Variants in TRMT11 observed in about 807,000 individuals in gnomAD.
The protein encoded by TRMT11 is tRNA (guanine(10)-N(2))-methyltransferase TRMT11.
Under a neutral mutation model 62.8 loss-of-function variants are expected in TRMT11, and 53 were observed. That is an observed-to-expected ratio of 0.84 (90% CI 0.68 to 1.06). The LOEUF (loss-of-function observed/expected upper bound fraction) is 1.06, where lower values mean the gene tolerates loss of function less well. TRMT11 is among the 50% of genes least tolerant of loss of function. The pLI is 0.00. For missense variants in TRMT11, 556 were observed against 553.4 expected (o/e 1.00, Z -0.05); for synonymous variants, 188 against 190.3 (o/e 0.99, Z 0.10).
intron 17 of TRMT11, among the ~76,000 whole-genome samples, chr6:126,108,525 A>G (rs1011603300): frequency 6.6e-6 from 1 of 152,216 alleles, no homozygotes; most frequent in African/African-American, 2.4e-5. Context: ...TGAGGTAAGT[A>G]GTATTATCAC....
chr6:126,091,118 G>A (rs1777271061), intron 17 of TRMT11, among the ~76,000 whole-genome samples: 2 of 151,916 alleles, frequency 1.3e-5, no homozygotes. Flanking sequence ...GTTGGCAGGG[G>A]GTGTGGCTGA....
chr6:126,197,321 GA>G (rs1052306207), intron 1 of TRMT11, among the ~76,000 whole-genome samples: 3 of 152,140 alleles, frequency 2.0e-5, no homozygotes, highest in Admixed American at 6.5e-5. Context: ...TTATGCCTTA[GA>G]AAAAAATTTT....
Position 126,123,433 on chromosome 6 carries a change from A to C in TRMT11, c.*1823+7578A>C, listed in dbSNP as rs755215315. On this transcript the variant is annotated intron_variant and NMD_transcript_variant, in intron 21 of 22. Coordinates refer to the TRMT11 transcript ENST00000648977. ...CAGATGAGATAAGGAGCGTCCTGTG[A>C]GTAAGGACAGACTTGAACACTCCCA... 6.3e-4 allele frequency among the ~76,000 whole-genome samples: 96 copies of C among 152,112 alleles called. 1 individual carries two copies. Among genetic ancestry groups the C allele is most frequent in the Non-Finnish European group, 1.2e-3 (84 of 67,986 alleles).
intron 17 of TRMT11, among the ~76,000 whole-genome samples, chr6:126,111,010 G>A (rs970128383): frequency 6.6e-6 from 1 of 152,040 alleles, no homozygotes; most frequent in Non-Finnish European, 1.5e-5. Context: ...TTTGACCCAG[G>A]CAGTTAGGAA....
chr6:126,185,792 T>TA (rs1161009976), intron 1 of TRMT11, among the ~76,000 whole-genome samples: 2 of 152,166 alleles, frequency 1.3e-5, no homozygotes, highest in African/African-American at 2.4e-5. Context: ...TCAGGAAACT[T>TA]ACAATCATGG....
intron 1 of TRMT11, among the ~76,000 whole-genome samples, chr6:126,191,734 T>A (rs1158945923): frequency 1.3e-5 from 2 of 152,106 alleles, no homozygotes; most frequent in Admixed American, 1.3e-4. Context: ...TTGGTACTTT[T>A]GTCAAAAATG....
chr6:126,169,274 A>G (rs1428433261), intron 21 of TRMT11, among the ~76,000 whole-genome samples: 1 of 152,196 alleles, frequency 6.6e-6, no homozygotes, highest in African/African-American at 2.4e-5. Flanking sequence ...TAGGAAAGAA[A>G]ACTTCTGCAA....
At chr6:126,240,542 A>C in the TRMT11 span, among the ~76,000 whole-genome samples, 1 of 152,132 alleles carries the variant, frequency 6.6e-6, no homozygotes, top group Non-Finnish European at 1.5e-5. Context: ...TGAACATCTA[A>C]TGTTGCTGCC....
chr6:126,131,301 C>A (rs879800111), intron 21 of TRMT11, among the ~76,000 whole-genome samples: 2 of 151,932 alleles, frequency 1.3e-5, no homozygotes, highest in Non-Finnish European at 2.9e-5. Flanking sequence ...AAAACTTGCA[C>A]CCCCATAGAC....
intron 17 of TRMT11, among the ~76,000 whole-genome samples, chr6:126,112,242 G>A (rs957120288): frequency 1.1e-4 from 16 of 152,064 alleles, no homozygotes; most frequent in African/African-American, 3.9e-4. Flanking sequence ...AGTGATTCAC[G>A]TCTCTGGATT....
chr6:126,241,885 G>A, the TRMT11 span, among the ~76,000 whole-genome samples: 998 of 152,284 alleles, frequency 6.6e-3, 12 homozygotes, highest in African/African-American at 0.023. Flanking sequence ...AGACAGGGAT[G>A]CCCTCTCTCA....
At chr6:126,009,853 A>AGAG (rs1328785627) in intron 8 of TRMT11, among the ~76,000 whole-genome samples, 11 of 151,968 alleles carry the variant, frequency 7.2e-5, no homozygotes, top group South Asian at 2.1e-4. Flanking sequence ...TATTTATTAA[A>AGAG]GTTATGTTTG....
At chr6:126,153,856 G>A (rs1778085767) in intron 21 of TRMT11, among the ~76,000 whole-genome samples, 2 of 152,216 alleles carry the variant, frequency 1.3e-5, no homozygotes, top group Non-Finnish European at 2.9e-5. Context: ...ATGTGTTGAT[G>A]ATTGTTAACC....
intron 17 of TRMT11, among the ~76,000 whole-genome samples, chr6:126,090,544 G>T (rs1777262419): frequency 6.6e-6 from 1 of 152,154 alleles, no homozygotes; most frequent in Non-Finnish European, 1.5e-5. Flanking sequence ...GAAGCAATTA[G>T]TTGATTTACA....
At chr6:126,165,777 A>G (rs1287751877) in intron 21 of TRMT11, among the ~76,000 whole-genome samples, 1 of 152,066 alleles carries the variant, frequency 6.6e-6, no homozygotes, top group African/African-American at 2.4e-5. Context: ...TGCTCTTCTC[A>G]GGGAGTATCT....
At chr6:126,151,799 C>T (rs1317467902) in intron 21 of TRMT11, among the ~76,000 whole-genome samples, 49 of 71,276 alleles carry the variant, frequency 6.9e-4, no homozygotes, top group African/African-American at 3.2e-3. Flanking sequence ...CTTCCTTCCT[C>T]TCTGTCTTTT....
chr6:126,137,670 A>T (rs1777867692), intron 21 of TRMT11, among the ~76,000 whole-genome samples: 1 of 151,964 alleles, frequency 6.6e-6, no homozygotes, highest in Non-Finnish European at 1.5e-5. Context: ...CTGCAGTTTC[A>T]CGTTTATTGC....
chr6:126,255,247 G>A, the TRMT11 span, among the ~76,000 whole-genome samples: 1 of 151,950 alleles, frequency 6.6e-6, no homozygotes, highest in African/African-American at 2.4e-5. Flanking sequence ...CCTTTTTTCT[G>A]AGAATCGCTA....
At chr6:126,268,178 CAG>C in the TRMT11 span, among the ~76,000 whole-genome samples, 1 of 152,062 alleles carries the variant, frequency 6.6e-6, no homozygotes, top group Non-Finnish European at 1.5e-5. Flanking sequence ...AGATTTTGGG[CAG>C]AGAGAAGGAA....
Sources: gnomAD v4.1 joint callset for allele counts (sites outside exome capture counted in the v4.1 genomes callset) on GRCh38, gnomAD v4.1.1 for gene constraint, MANE v1.5 for transcripts, NCBI Gene and HGNC (gene_info 2026-07-23, HGNC 2026-07-21) for gene names.